CACNB2: variants seen among roughly 807,000 people sequenced by gnomAD.
CACNB2 encodes calcium voltage-gated channel auxiliary subunit beta 2, also known as voltage-dependent L-type calcium channel subunit beta-2.
Under a neutral mutation model 73.3 loss-of-function variants are expected in CACNB2, and 42 were observed. That is an observed-to-expected ratio of 0.57 (90% CI 0.45 to 0.74). CACNB2 has a LOEUF of 0.74. Among genes scored for constraint, CACNB2 ranks in the 30% least tolerant of loss-of-function variants. CACNB2 has a pLI of 0.00. For missense variants in CACNB2, 940 were observed against 853.0 expected (o/e 1.10, Z -1.27); for synonymous variants, 348 against 310.3 (o/e 1.12, Z -1.28).
intron 2 of CACNB2, among the ~76,000 whole-genome samples, chr10:18,332,278 G>A (rs1351080114): frequency 6.6e-6 from 1 of 152,330 alleles, no homozygotes; most frequent in Middle Eastern, 3.4e-3. Context: ...GGTGGTGAGA[G>A]GTGGCAAGGG....
chr10:18,383,067 T>C (rs2043084411), intron 2 of CACNB2, among the ~76,000 whole-genome samples: 1 of 152,170 alleles, frequency 6.6e-6, no homozygotes. Context: ...CATGTTATAT[T>C]ATATGTGACA....
intron 3 of CACNB2, among the ~76,000 whole-genome samples, chr10:18,415,343 G>C (rs151321746): frequency 1.3e-5 from 2 of 152,216 alleles, no homozygotes; most frequent in East Asian, 3.9e-4. Context: ...GTACATGCCT[G>C]CAGTTCCAGC....
chr10:18,471,645 A>G (rs946829415), intron 3 of CACNB2, among the ~76,000 whole-genome samples: 12 of 152,134 alleles, frequency 7.9e-5, no homozygotes, highest in Non-Finnish European at 1.3e-4. Flanking sequence ...TTGGAATTAC[A>G]GCTTAGACTC....
chr10:18,392,690 A>C (rs557312540), intron 2 of CACNB2, among the ~76,000 whole-genome samples: 2 of 152,278 alleles, frequency 1.3e-5, no homozygotes, highest in South Asian at 4.2e-4. Flanking sequence ...AGTGACATCC[A>C]TGCAGTTTCT....
intron 3 of CACNB2, among the ~76,000 whole-genome samples, chr10:18,421,561 A>G (rs1247906223): frequency 6.6e-6 from 1 of 151,932 alleles, no homozygotes; most frequent in Non-Finnish European, 1.5e-5. Context: ...CAACCTCCCA[A>G]AGTTCTGGGA....
At chr10:18,238,878 A>C (rs999974711) in intron 2 of CACNB2, among the ~76,000 whole-genome samples, 4 of 152,234 alleles carry the variant, frequency 2.6e-5, no homozygotes, top group African/African-American at 9.6e-5. Context: ...TTCAGTTTCC[A>C]GAAAATGAAA....
chr10:18,182,707 T>C (rs189682606), intron 2 of CACNB2, among the ~76,000 whole-genome samples: 57 of 150,998 alleles, frequency 3.8e-4, no homozygotes, highest in Non-Finnish European at 7.7e-4. Context: ...CTGTAATCCC[T>C]GCTACTCGGG....
At chr10:18,154,871 G>C (rs1217023630) in intron 2 of CACNB2, among the ~76,000 whole-genome samples, 1 of 152,180 alleles carries the variant, frequency 6.6e-6, no homozygotes, top group Non-Finnish European at 1.5e-5. Context: ...GCTAAGGCGA[G>C]AGAGGCCTCA....
chr10:18,263,351 G>A (rs1208715294), intron 2 of CACNB2, among the ~76,000 whole-genome samples: 1 of 152,184 alleles, frequency 6.6e-6, no homozygotes, highest in African/African-American at 2.4e-5. Context: ...GGTACTGGTG[G>A]TTAGGACCTC....
intron 3 of CACNB2, among the ~76,000 whole-genome samples, chr10:18,445,395 G>A (rs935550655): frequency 8.5e-5 from 13 of 152,144 alleles, no homozygotes; most frequent in Admixed American, 2.6e-4. Context: ...AGAATGTGGA[G>A]AATTTTCTTT....
intron 3 of CACNB2, among the ~76,000 whole-genome samples, chr10:18,431,672 C>G (rs896970593): frequency 1.3e-5 from 2 of 152,180 alleles, no homozygotes; most frequent in African/African-American, 2.4e-5. Flanking sequence ...GATGAAATTA[C>G]AGTCCACTCA....
chr10:18,159,869 A>T (rs553560323), intron 2 of CACNB2, among the ~76,000 whole-genome samples: 1 of 152,142 alleles, frequency 6.6e-6, no homozygotes, highest in African/African-American at 2.4e-5. Context: ...AATTCAGTAG[A>T]TTTATTGCCA....
rs535183975 is a variant in CACNB2, at chr10:18,401,793, A to C, written c.214-131A>C. The C allele has an allele frequency of 4.4e-5, 40 of 906,278 alleles. No homozygotes were observed. In the African/African-American group the frequency reaches 6.2e-4, roughly 14 times the overall value. The allele number at this position is 906,278 out of a possible 1,614,324, so 56.1% of individuals were successfully genotyped here. A position where few individuals can be genotyped will look rare whatever the true frequency, so the allele number is the denominator to read the frequency against. Reference sequence around the variant, plus strand: ...TGGTTTTCTAGATAGGTTGCTGCAAAATGAATTATTTTCTCCTCTTTTCAG... The same window carrying C: ...TGGTTTTCTAGATAGGTTGCTGCAACATGAATTATTTTCTCCTCTTTTCAG... On this transcript the variant is annotated intron_variant, in intron 2 of 13. Transcript: ENST00000324631.
At chr10:18,456,537 C>A (rs1206335350) in intron 3 of CACNB2, among the ~76,000 whole-genome samples, 1 of 152,144 alleles carries the variant, frequency 6.6e-6, no homozygotes, top group Non-Finnish European at 1.5e-5. Context: ...AGTGCTAAAC[C>A]ATTCATAGGC....
At chr10:18,317,898 A>G (rs2040253496) in intron 2 of CACNB2, among the ~76,000 whole-genome samples, 2 of 152,168 alleles carry the variant, frequency 1.3e-5, no homozygotes, top group Admixed American at 6.6e-5. Context: ...ATCTATTTTA[A>G]CCTAGGAATA....
chr10:18,277,252 C>G (rs1003536610), intron 2 of CACNB2, among the ~76,000 whole-genome samples: 2 of 152,054 alleles, frequency 1.3e-5, no homozygotes, highest in African/African-American at 2.4e-5. Flanking sequence ...GGGTGCAGAC[C>G]GCAGAGCATG....
At chr10:18,194,532 G>A (rs1484343445) in intron 2 of CACNB2, among the ~76,000 whole-genome samples, 1 of 152,132 alleles carries the variant, frequency 6.6e-6, no homozygotes, top group Admixed American at 6.5e-5. Context: ...GTGCCCTGAG[G>A]GCAACCAACA....
chr10:18,432,620 G>C (rs2045943467), intron 3 of CACNB2, among the ~76,000 whole-genome samples: 1 of 152,188 alleles, frequency 6.6e-6, no homozygotes, highest in African/African-American at 2.4e-5. Flanking sequence ...GATTGCTTGA[G>C]CTCAGGAGTT....
chr10:18,463,721 G>A (rs1174975024), intron 3 of CACNB2, among the ~76,000 whole-genome samples: 8 of 151,808 alleles, frequency 5.3e-5, no homozygotes, highest in African/African-American at 1.7e-4. Flanking sequence ...GGGAGCCACC[G>A]TGCCTGGCCC....
Sources: gnomAD v4.1 joint callset for allele counts (sites outside exome capture counted in the v4.1 genomes callset) on GRCh38, gnomAD v4.1.1 for gene constraint, MANE v1.5 for transcripts, NCBI Gene and HGNC (gene_info 2026-07-23, HGNC 2026-07-21) for gene names.